The following GRID2 variants were observed in gnomAD, a reference collection of about 807,000 sequenced individuals.
GRID2 encodes glutamate receptor ionotropic, delta-2.
Under a neutral mutation model 114.8 loss-of-function variants are expected in GRID2, and 33 were observed. That is an observed-to-expected ratio of 0.29 (90% CI 0.22 to 0.38). GRID2 has a LOEUF of 0.38. Ranked by LOEUF, GRID2 falls within the 10% of genes least tolerant of loss-of-function variation. The pLI is 1.00. For missense variants in GRID2, 1,184 were observed against 1,257.7 expected, an observed-to-expected ratio of 0.94 and a Z score of 0.89; for synonymous variants, 505 against 449.9, an observed-to-expected ratio of 1.12 and a Z score of -1.55.
At chr4:92,778,142 G>C (rs1291329168) in intron 2 of GRID2, among the ~76,000 whole-genome samples, 1 of 151,954 alleles carries the variant, frequency 6.6e-6, no homozygotes, top group African/African-American at 2.4e-5. Context: ...TTCTCAACAT[G>C]CTCATCCCAC....
chr4:93,481,176 A>G (rs1427290559), intron 11 of GRID2, among the ~76,000 whole-genome samples: 3 of 152,012 alleles, frequency 2.0e-5, no homozygotes, highest in Non-Finnish European at 4.4e-5. Flanking sequence ...TGTAGCATGG[A>G]GTCAATAAGG....
At chr4:92,679,168 C>A (rs1733526749) in intron 2 of GRID2, among the ~76,000 whole-genome samples, 1 of 151,916 alleles carries the variant, frequency 6.6e-6, no homozygotes, top group Non-Finnish European at 1.5e-5. Flanking sequence ...TTTGGTCAAG[C>A]CTTGAAAATT....
intron 13 of GRID2, among the ~76,000 whole-genome samples, chr4:93,525,156 A>G (rs1175609919): frequency 6.6e-6 from 1 of 152,096 alleles, no homozygotes; most frequent in Non-Finnish European, 1.5e-5. Context: ...AGACATTGTG[A>G]GAACACAGGG....
At chr4:93,223,635 C>T (rs1178100923) in intron 6 of GRID2, among the ~76,000 whole-genome samples, 6 of 151,998 alleles carry the variant, frequency 3.9e-5, no homozygotes, top group Admixed American at 1.3e-4. Flanking sequence ...AACACAAATG[C>T]TTTAAGATGG....
intron 2 of GRID2, among the ~76,000 whole-genome samples, chr4:92,949,949 AT>A (rs1478883524): frequency 6.6e-6 from 1 of 152,038 alleles, no homozygotes; most frequent in African/African-American, 2.4e-5. Flanking sequence ...CAGCTAACCC[AT>A]TTGTCTTTAG....
At chr4:92,886,627 A>T in intron 2 of GRID2, among the ~76,000 whole-genome samples, 1 of 151,716 alleles carries the variant, frequency 6.6e-6, no homozygotes, top group South Asian at 2.1e-4. Context: ...AATTTTATTT[A>T]TTTGTATTTA....
intron 2 of GRID2, among the ~76,000 whole-genome samples, chr4:92,673,234 T>A (rs1733163801): frequency 6.6e-6 from 1 of 152,198 alleles, no homozygotes; most frequent in South Asian, 2.1e-4. Context: ...ATCTTTCACT[T>A]ACTATATTCA....
chr4:92,604,106 C>T (rs1474686938), intron 2 of GRID2, among the ~76,000 whole-genome samples: 1 of 152,080 alleles, frequency 6.6e-6, no homozygotes, highest in South Asian at 2.1e-4. Context: ...CAAATCAGTT[C>T]AACCATTGTG....
At chr4:92,404,988 A>G (rs1231868108) in intron 1 of GRID2, among the ~76,000 whole-genome samples, 10 of 152,182 alleles carry the variant, frequency 6.6e-5, no homozygotes, top group Non-Finnish European at 1.2e-4. Flanking sequence ...ACACTTGCCT[A>G]TGTAACAAAG....
chr4:93,422,651 G>C (rs545633715), intron 9 of GRID2, 120 bp from the exon 10 acceptor site: 3 of 642,346 alleles, frequency 4.7e-6, no homozygotes, highest in Non-Finnish European at 8.2e-6. Context: ...ATATTCCTGA[G>C]TTGATTCTTT....
intron 1 of GRID2, among the ~76,000 whole-genome samples, chr4:92,506,194 T>TA (rs1723963528): frequency 6.6e-6 from 1 of 151,778 alleles, no homozygotes; most frequent in South Asian, 2.1e-4. Flanking sequence ...TAGCATGCAG[T>TA]AAAAAAAGGA....
At chr4:93,385,269 G>C (rs958855130) in intron 8 of GRID2, among the ~76,000 whole-genome samples, 1 of 152,184 alleles carries the variant, frequency 6.6e-6, no homozygotes, top group Non-Finnish European at 1.5e-5. Context: ...TCTCTAGCGA[G>C]AGTAATTTAG....
At chr4:93,395,512 C>T (rs1404571752) in intron 8 of GRID2, 95 bp from the exon 9 acceptor site, 3 of 636,860 alleles carry the variant, frequency 4.7e-6, no homozygotes, top group Non-Finnish European at 8.7e-6. Context: ...ACCAATTATT[C>T]TAAGAGCTAT....
rs369145645 is a variant in GRID2 at position 92,658,691 on chromosome 4, C to A, written c.244+68405C>A. On this transcript the variant is annotated intron_variant, in intron 2 of 15. Coordinates refer to ENST00000282020, the MANE Select transcript of GRID2 (RefSeq NM_001510.4). ...GAAGCAAAAATAATCACGATTTTAG[C>A]CTCAAAGCAAAAAGAATGCTTACTC... Among the ~76,000 whole-genome samples, 73 of 151,186 alleles carry A rather than the reference C, an allele frequency of 4.8e-4. 1 individual carries two copies. In the South Asian group the frequency reaches 0.011, roughly 23 times the overall value.
At chr4:92,858,549 AGTTT>A (rs952626170) in intron 2 of GRID2, among the ~76,000 whole-genome samples, 6 of 152,004 alleles carry the variant, frequency 3.9e-5, no homozygotes, top group South Asian at 2.1e-4. Context: ...ATGAATGAGG[AGTTT>A]GTTTGTTTTT....
intron 2 of GRID2, among the ~76,000 whole-genome samples, chr4:92,600,066 A>G (rs1210012340): frequency 0.016 from 2,120 of 132,166 alleles, 159 homozygotes; most frequent in African/African-American, 0.055. Flanking sequence ...ATATATATAT[A>G]TATATATATA....
At chr4:92,502,418 A>G (rs1009871525) in intron 1 of GRID2, among the ~76,000 whole-genome samples, 7 of 152,158 alleles carry the variant, frequency 4.6e-5, no homozygotes, top group Non-Finnish European at 7.4e-5. Flanking sequence ...CACATAAAAT[A>G]TAAAATGAGT....
intron 14 of GRID2, among the ~76,000 whole-genome samples, chr4:93,671,952 G>T (rs929750026): frequency 1.3e-5 from 2 of 152,054 alleles, no homozygotes; most frequent in Non-Finnish European, 2.9e-5. Context: ...TCCAGCCTGG[G>T]TGACAGAGCA....
intron 1 of GRID2, among the ~76,000 whole-genome samples, chr4:92,405,809 C>T (rs186382302): frequency 9.2e-5 from 14 of 151,518 alleles, no homozygotes; most frequent in Admixed American, 4.6e-4. Flanking sequence ...TTTAGAAATA[C>T]GGTATAAATC....
Sources: gnomAD v4.1 joint callset for allele counts (sites outside exome capture counted in the v4.1 genomes callset) on GRCh38, gnomAD v4.1.1 for gene constraint, MANE v1.5 for transcripts, NCBI Gene and HGNC (gene_info 2026-07-23, HGNC 2026-07-21) for gene names.